The following NPAS2 variants were observed in gnomAD, a reference collection of about 807,000 sequenced individuals.
NPAS2 encodes neuronal PAS domain-containing protein 2.
In NPAS2, 23 loss-of-function variants were observed where a neutral mutation model predicts 107.5. The ratio of observed to expected loss-of-function variants is 0.21; its 90% CI spans 0.15 to 0.30. The LOEUF (loss-of-function observed/expected upper bound fraction) is 0.30, where lower values mean the gene tolerates loss of function less well. Ranked by LOEUF, NPAS2 falls within the 10% of genes least tolerant of loss-of-function variation. The pLI is 1.00. For missense variants in NPAS2, 756 were observed against 1,043.3 expected, an observed-to-expected ratio of 0.72 and a Z score of 3.79; for synonymous variants, 403 against 417.5, an observed-to-expected ratio of 0.97 and a Z score of 0.42.
intron 1 of NPAS2, among the ~76,000 whole-genome samples, chr2:100,893,153 C>T (rs1681187138): frequency 2.6e-5 from 4 of 152,192 alleles, no homozygotes; most frequent in Admixed American, 2.6e-4. Context: ...CGTCGCAGTT[C>T]ATCAGCAACT....
intron 1 of NPAS2, among the ~76,000 whole-genome samples, chr2:100,865,895 C>G (rs1449480821): frequency 6.6e-6 from 1 of 152,194 alleles, no homozygotes; most frequent in Non-Finnish European, 1.5e-5. Flanking sequence ...AAAATTGTTA[C>G]CAGTCCCAAG....
intron 1 of NPAS2, among the ~76,000 whole-genome samples, chr2:100,904,254 G>C (rs957443389): frequency 1.3e-5 from 2 of 152,202 alleles, no homozygotes; most frequent in Non-Finnish European, 2.9e-5. Flanking sequence ...CAGGCACTGG[G>C]AGGTGCGTGC....
At chr2:100,988,297 C>T (rs887141263) in intron 17 of NPAS2, 21 bp downstream of exon 17, 5 of 1,600,370 alleles carry the variant, frequency 3.1e-6, no homozygotes, top group African/African-American at 2.7e-5. Flanking sequence ...TCCTTGCCAG[C>T]TTCACTCCTT....
intron 17 of NPAS2, chr2:100,989,432 G>A (rs906722261): frequency 4.6e-5 from 7 of 152,194 alleles, no homozygotes; most frequent in Admixed American, 1.3e-4. Context: ...TGATTTAAAA[G>A]GTCATCAGAA....
In NPAS2 at chr2:100,968,245, C is replaced by G; in HGVS notation, c.908-36C>G. 6.3e-7 allele frequency: 1 copy of G among 1,598,354 alleles called. No individual in the cohort carries two copies. The highest frequency in any genetic ancestry group is 2.2e-5 in the East Asian group (1 of 44,564). ...GGGGAAAAGATCATTTTCATATTAA[C>G]ATTGGTTATATGCGGAATCCATTTT... On this transcript the variant is annotated intron_variant, in intron 10 of 20. Coordinates refer to ENST00000335681, the MANE Select transcript of NPAS2 (RefSeq NM_002518.4). The surrounding 1 kb of genome is among the most constrained non-coding windows in gnomAD (Gnocchi z 5.3).
At chr2:100,890,941 AG>A (rs1247026693) in intron 1 of NPAS2, among the ~76,000 whole-genome samples, 1 of 152,076 alleles carries the variant, frequency 6.6e-6, no homozygotes, top group Middle Eastern at 3.2e-3. Flanking sequence ...AAGTAAAAGA[AG>A]TGAGGATGGT....
At chr2:100,955,851 G>GC (rs1049524658) in intron 7 of NPAS2, among the ~76,000 whole-genome samples, 7 of 151,906 alleles carry the variant, frequency 4.6e-5, no homozygotes, top group Non-Finnish European at 1.0e-4. Flanking sequence ...AGGACTCCCC[G>GC]CCCCATGCTC....
chr2:100,980,321 T>C (rs1476712872), intron 15 of NPAS2, among the ~76,000 whole-genome samples: 1 of 152,158 alleles, frequency 6.6e-6, no homozygotes, highest in East Asian at 1.9e-4. Context: ...AGCTTTTGTG[T>C]TTCGTTAAAT....
rs1676770079 is a variant in NPAS2, at chr2:100,831,987, A to G, written c.-23+11573A>G. Among the ~76,000 whole-genome samples the G allele has an allele frequency of 2.6e-5, 4 of 152,146 alleles. No homozygotes were observed. In the South Asian group the frequency reaches 8.4e-4, roughly 32 times the overall value. ...CTGATTCTCAGCTGCCAGGGCCCCA[A>G]GTCCTTAACTTGCTCTCCAGTTATT... On this transcript the variant is annotated intron_variant, in intron 1 of 20. Transcript: ENST00000335681.
At chr2:100,877,808 G>A (rs1680079196) in intron 1 of NPAS2, among the ~76,000 whole-genome samples, 1 of 152,158 alleles carries the variant, frequency 6.6e-6, no homozygotes, top group South Asian at 2.1e-4. Flanking sequence ...TTTGGCTCAA[G>A]TGCAGCCGTG....
At chr2:100,982,209 G>C in intron 15 of NPAS2, 22 bp from the exon 16 acceptor site, 2 of 1,614,020 alleles carry the variant, frequency 1.2e-6, no homozygotes, top group Non-Finnish European at 1.7e-6. Flanking sequence ...ATCTGATTAT[G>C]TTTTTCGGCT....
intron 15 of NPAS2, among the ~76,000 whole-genome samples, chr2:100,979,503 T>TATATATATATATATATATATA (rs1491089539): frequency 2.5e-5 from 1 of 39,592 alleles, no homozygotes; most frequent in African/African-American, 1.2e-4. Flanking sequence ...TATATATATA[T>TATATATATATATATATATATA]TTTTTTTTTT....
intron 1 of NPAS2, among the ~76,000 whole-genome samples, chr2:100,843,094 C>T (rs1408247739): frequency 6.6e-6 from 1 of 152,002 alleles, no homozygotes. Context: ...TGGTGCATGC[C>T]TGTAGTCCCA....
intron 6 of NPAS2, among the ~76,000 whole-genome samples, chr2:100,948,770 C>T (rs1230130082): frequency 6.6e-6 from 1 of 152,176 alleles, no homozygotes; most frequent in Non-Finnish European, 1.5e-5. Context: ...AATCCAAATT[C>T]TGTCCTCCTG....
Position 100,932,980 on chromosome 2 carries a change from A to G in NPAS2, c.252A>G (p.Glu84=). 1 of 1,613,540 alleles carries G rather than the reference A, an allele frequency of 6.2e-7. No homozygotes were observed. The highest frequency in any genetic ancestry group is 1.1e-5 in the South Asian group (1 of 91,066). ...AGCCTTCATTCCTCAGTAATGAAGA[A>G]TTCACCCAGCTGATGTTGGAGGTGA... ...DWKPSFLSNE[E]FTQLMLEALD... Residue 84 remains glutamate, a synonymous_variant, in exon 4 of 21, where the codon GAA becomes GAG. Transcript: ENST00000335681.
chr2:100,922,634 A>G (rs533287336), intron 2 of NPAS2, among the ~76,000 whole-genome samples: 137 of 152,224 alleles, frequency 9.0e-4, no homozygotes, highest in African/African-American at 3.2e-3. Flanking sequence ...GTGTCTTTCA[A>G]AACCTTCGTC....
Position 100,992,826 on chromosome 2 carries a change from GTC to G in NPAS2, c.2112-517_2112-516del, listed in dbSNP as rs1326045012. Among the ~76,000 whole-genome samples the G allele has an allele frequency of 9.9e-5, 15 of 152,192 alleles. No homozygotes were observed. In the South Asian group the frequency reaches 2.5e-3, roughly 25 times the overall value. ...GCATTCTTTATATATTCTGTTATCG[GTC>G]TCTTATTAGATATGTGATGTGCAAA... On this transcript the variant is annotated intron_variant, in intron 19 of 20. Coordinates refer to ENST00000335681, the MANE Select transcript of NPAS2 (RefSeq NM_002518.4).
Position 100,875,461 on chromosome 2 carries a change from T to TACACACACAC in NPAS2, c.-22-29236_-22-29227dup, listed in dbSNP as rs56331462. 2.6e-3 allele frequency among the ~76,000 whole-genome samples: 369 copies of TACACACACAC among 143,644 alleles called. 1 individual carries two copies. Among genetic ancestry groups the TACACACACAC allele is most frequent in the African/African-American group, 8.7e-3 (337 of 38,686 alleles). 94.2% of individuals were successfully genotyped at this position (143,644 alleles called of 152,430 possible). A position where few individuals can be genotyped will look rare whatever the true frequency, so the allele number is the denominator to read the frequency against. On this transcript the variant is annotated intron_variant, in intron 1 of 20. Transcript: ENST00000335681. ...ATAAAATTTTTAAAAATTAAAAGCT[T>TACACACACAC]ACACACACACACACACACACACACA...
intron 1 of NPAS2, among the ~76,000 whole-genome samples, chr2:100,873,303 TATATACACACACACAC>T (rs1357373266): frequency 1.5e-4 from 7 of 45,976 alleles, no homozygotes; most frequent in East Asian, 9.7e-4. Context: ...TATATATATA[TATATACACACACACAC>T]ACACACACAC....
Sources: allele counts gnomAD v4.1 joint callset (sites outside exome capture counted in the v4.1 genomes callset), GRCh38; gene constraint gnomAD v4.1.1; non-coding constraint Gnocchi (gnomAD v3.1); transcripts MANE v1.5; gene names NCBI Gene and HGNC (gene_info 2026-07-23, HGNC 2026-07-21).